Variants in LRRC4B observed in about 807,000 individuals in gnomAD.
LRRC4B encodes leucine-rich repeat-containing protein 4B.
In LRRC4B, 1 loss-of-function variant was observed where a neutral mutation model predicts 7.3. The ratio of observed to expected loss-of-function variants is 0.14; its 90% CI spans 0.05 to 0.65. The LOEUF is 0.65. LRRC4B is among the 30% of genes least tolerant of loss of function. The pLI is 0.84. For missense variants in LRRC4B, 730 were observed against 1,041.6 expected (o/e 0.70, Z 4.12); for synonymous variants, 500 against 499.2 (o/e 1.00, Z -0.02).
At chr19:50,521,270 G>T (rs1200037657) in intron 2 of LRRC4B, among the ~76,000 whole-genome samples, 11 of 152,154 alleles carry the variant, frequency 7.2e-5, no homozygotes, top group Non-Finnish European at 1.2e-4. Flanking sequence ...GGCAGGTGAG[G>T]TATCTGGGGC....
intron 2 of LRRC4B, among the ~76,000 whole-genome samples, chr19:50,525,406 CT>C (rs34552136): frequency 1.7e-3 from 231 of 135,942 alleles, no homozygotes; most frequent in Middle Eastern, 3.8e-3. Flanking sequence ...AAGAACCGTA[CT>C]TTTTTTTTTT....
rs113371343 is a variant in LRRC4B, at chr19:50,525,926, C to T, written c.298-6511G>A. 8.3e-3 allele frequency among the ~76,000 whole-genome samples: 1,256 copies of T among 152,240 alleles called. 12 individuals carry two copies. The highest frequency in any genetic ancestry group is 0.011 in the Non-Finnish European group (776 of 68,022). ...ATCCCAGCTATTTGGGAGGCTGAGG[C>T]GGCAGAATCGTTTGAACCCAGGAGG... On this transcript the variant is annotated intron_variant, in intron 2 of 2. Transcript: ENST00000652263.
At chr19:50,525,687 C>T (rs1289619501) in intron 2 of LRRC4B, among the ~76,000 whole-genome samples, 5 of 151,620 alleles carry the variant, frequency 3.3e-5, no homozygotes, top group South Asian at 2.1e-4. Flanking sequence ...CCCAAAGTGC[C>T]GGGATTACAC....
At position 50,542,153 on chromosome 19, in the gene LRRC4B, G is replaced by A. The variant is rs145535107; in HGVS notation, c.297+6389C>T. On this transcript the variant is annotated intron_variant, in intron 2 of 2. Transcript: ENST00000652263. ...TAGGAGGACTTTCTGTGGGGAGAGGGTAAGGCGGGGATATGAGGATAAAAG... is the reference window on the plus strand; with the variant it reads ...TAGGAGGACTTTCTGTGGGGAGAGGATAAGGCGGGGATATGAGGATAAAAG... Among the ~76,000 whole-genome samples the A allele has an allele frequency of 2.5e-3, 374 of 152,320 alleles. 4 individuals are homozygous for A. Among genetic ancestry groups the A allele is most frequent in the African/African-American group, 8.4e-3 (349 of 41,574 alleles).
Position 50,549,928 on chromosome 19 carries a change from G to C in LRRC4B, c.-35-1055C>G, listed in dbSNP as rs538677290. On this transcript the variant is annotated intron_variant, in intron 1 of 2. Transcript: ENST00000652263. ...GGTTCTGGGAGGAAAGCAGACAGCG[G>C]GGACTCGGGCCCTCTGAGAAGTCAC... Among the ~76,000 whole-genome samples the C allele has an allele frequency of 4.6e-5, 7 of 152,298 alleles. No homozygotes were observed. The South Asian group carries it at 1.4e-3, about 32-fold the overall frequency.
chr19:50,540,216 C>T (rs781599248), intron 2 of LRRC4B, among the ~76,000 whole-genome samples: 2 of 152,078 alleles, frequency 1.3e-5, no homozygotes, highest in Non-Finnish European at 2.9e-5. Context: ...GGTCCGCAAC[C>T]CCTAGGCCAC....
intron 2 of LRRC4B, among the ~76,000 whole-genome samples, chr19:50,525,968 C>T (rs560013625): frequency 1.3e-5 from 2 of 152,148 alleles, no homozygotes; most frequent in East Asian, 1.9e-4. Context: ...TGCGGTGAGC[C>T]GAGATAACGC....
chr19:50,534,513 C>T (rs1024640487), intron 2 of LRRC4B, among the ~76,000 whole-genome samples: 2 of 152,248 alleles, frequency 1.3e-5, no homozygotes, highest in Non-Finnish European at 2.9e-5. Flanking sequence ...TAGCTGCCCA[C>T]ACTTCCAAGT....
In LRRC4B at chr19:50,550,193, G is replaced by A. The variant is rs139191927; in HGVS notation, c.-35-1320C>T. 4.7e-3 allele frequency among the ~76,000 whole-genome samples: 715 copies of A among 152,198 alleles called. 7 individuals are homozygous for A. The highest frequency in any genetic ancestry group is 0.016 in the African/African-American group (681 of 41,522). On this transcript the variant is annotated intron_variant, in intron 1 of 2. Transcript: ENST00000652263. ...ACACTGAGGCACTATGAGGGAAAACGGCCTGTCCAAGGGCACAGAGCAGGC... is the reference window on the plus strand; with the variant it reads ...ACACTGAGGCACTATGAGGGAAAACAGCCTGTCCAAGGGCACAGAGCAGGC...
chr19:50,520,203 C>CAAAAA (rs1173919963), intron 2 of LRRC4B, among the ~76,000 whole-genome samples: 2 of 9,382 alleles, frequency 2.1e-4, no homozygotes, highest in East Asian at 2.1e-3. Context: ...AATACCCTGT[C>CAAAAA]AAAAAAAAAA....
At chr19:50,535,769 C>G (rs1185189112) in intron 2 of LRRC4B, among the ~76,000 whole-genome samples, 1 of 152,212 alleles carries the variant, frequency 6.6e-6, no homozygotes, top group Non-Finnish European at 1.5e-5. Flanking sequence ...TCCCTCCTCC[C>G]ATTCATCCTC....
rs757933574 is a variant in LRRC4B, at chr19:50,519,176, G to A, written c.537C>T (p.Asn179=). 3 of 1,613,844 alleles carry A rather than the reference G, an allele frequency of 1.9e-6. No individual in the cohort carries two copies. In the South Asian group the frequency reaches 3.3e-5, roughly 18 times the overall value. ...PIESIPSYAF[N]RVPSLRRLDL... is the part of the protein sequence containing the mutation. ...CCAGGCGCCGCAGCGAGGGCACGCG[G>A]TTGAAGGCGTAGGAGGGGATGCTCT... is the stretch of plus-strand genomic sequence containing the variant. The change falls in exon 3 of 3, where the codon AAC becomes AAT. Residue 179 remains asparagine (N), a synonymous_variant. Transcript: ENST00000652263. The surrounding 1 kb of genome is among the most constrained non-coding windows in gnomAD (Gnocchi z 8.1).
chr19:50,525,608 G>T (rs965701456), intron 2 of LRRC4B, among the ~76,000 whole-genome samples: 2 of 147,942 alleles, frequency 1.4e-5, no homozygotes, highest in Non-Finnish European at 3.0e-5. Flanking sequence ...TAGTAGAGAC[G>T]AGGGTTTTAT....
intron 2 of LRRC4B, among the ~76,000 whole-genome samples, chr19:50,530,195 T>C (rs1000805820): frequency 3.3e-5 from 5 of 152,076 alleles, no homozygotes; most frequent in Non-Finnish European, 7.4e-5. Flanking sequence ...TCCCCTCCAG[T>C]CCATCTCTGG....
In LRRC4B at chr19:50,546,286, C is replaced by T. The variant is rs556823937; in HGVS notation, c.297+2256G>A. 8.6e-5 allele frequency among the ~76,000 whole-genome samples: 13 copies of T among 152,024 alleles called. 1 individual carries two copies. The highest frequency in any genetic ancestry group is 2.2e-4 in the African/African-American group (9 of 41,478). On this transcript the variant is annotated intron_variant, in intron 2 of 2. Coordinates refer to ENST00000652263, the MANE Select transcript of LRRC4B (RefSeq NM_001080457.2). The stretch of plus-strand genomic sequence containing the variant: ...GGAGGTGGAGGTTACAATGAGCCAA[C>T]GTTGCGCCACTGCACTCCAGCCTGG...
Position 50,518,370 on chromosome 19 carries a change from G to A in LRRC4B, c.1343C>T (p.Ser448Leu), listed in dbSNP as rs761399852. 2 of 1,597,436 alleles carry A rather than the reference G, an allele frequency of 1.3e-6. No homozygotes were observed. The highest frequency in any genetic ancestry group is 1.8e-5 in the Admixed American group (1 of 56,964). ...CACGGCCGAGACGTTGAGCGTGGCC[G>A]AGGCGGTGGTGTTGCCGGCTGAGTT... ...VTNSAGNTTA[S>L]ATLNVSAVDP... The change falls in exon 3 of 3, where the codon TCG becomes TTG. Residue 448 changes from serine (S) to leucine (L), a missense_variant. Physicochemically the swap from Ser to Leu is moderately radical, Grantham distance 145. Around this residue, in one of 6 missense-constraint regions of LRRC4B, gnomAD observed 192 missense variants for 228.6 expected, o/e 0.84. Coordinates refer to ENST00000652263, the MANE Select transcript of LRRC4B (RefSeq NM_001080457.2).
intron 2 of LRRC4B, among the ~76,000 whole-genome samples, chr19:50,531,216 C>T (rs184920774): frequency 1.5e-3 from 235 of 152,352 alleles, no homozygotes; most frequent in African/African-American, 4.6e-3. Context: ...CCCGGCAGCC[C>T]TGGAGGTGAG....
chr19:50,553,405 C>T lies in LRRC4B; in HGVS notation c.-35-4532G>A, dbSNP rs1166600001. Among the ~76,000 whole-genome samples the T allele has an allele frequency of 5.3e-5, 8 of 152,228 alleles. No homozygotes were observed. Among genetic ancestry groups the T allele is most frequent in the Admixed American group, 2.0e-4 (3 of 15,280 alleles). On this transcript the variant is annotated intron_variant, in intron 1 of 2. Transcript: ENST00000652263. The surrounding 1 kb of genome is among the most constrained non-coding windows in gnomAD (Gnocchi z 4.2). ...ACCCCAGCTCCTCCTCTGACCTCAT[C>T]GCTTCCCTCCTCCCCCTGCTCACTC...
chr19:50,542,577 A>G lies in LRRC4B; in HGVS notation c.297+5965T>C, dbSNP rs148248926. 9.3e-3 allele frequency among the ~76,000 whole-genome samples: 1,407 copies of G among 150,818 alleles called. 29 individuals are homozygous for G. Among genetic ancestry groups the G allele is most frequent in the African/African-American group, 0.032 (1,314 of 40,848 alleles). On this transcript the variant is annotated intron_variant, in intron 2 of 2. Transcript: ENST00000652263. ...CTGCAGACTCCACCTCCTGGGTTCA[A>G]GCTATTCTCCTTCCTCAGCCTCCCA... is the stretch of plus-strand genomic sequence containing the variant.
Sources: allele counts gnomAD v4.1 joint callset (sites outside exome capture counted in the v4.1 genomes callset), GRCh38; gene constraint gnomAD v4.1.1; regional missense constraint gnomAD v4.1.1; non-coding constraint Gnocchi (gnomAD v3.1); transcripts MANE v1.5; gene names NCBI Gene and HGNC (gene_info 2026-07-23, HGNC 2026-07-21).